Variants in MYRFL observed in about 807,000 individuals in gnomAD.
The protein encoded by MYRFL is myelin regulatory factor like.
A neutral mutation model predicts 109.4 loss-of-function variants in MYRFL; 88 were observed. The ratio of observed to expected loss-of-function variants is 0.80; its 90% CI spans 0.68 to 0.96. The LOEUF (loss-of-function observed/expected upper bound fraction) is 0.96, where lower values mean the gene tolerates loss of function less well. MYRFL is among the 40% of genes least tolerant of loss of function. The probability of loss-of-function intolerance (pLI) is 0.00; values close to 1 mark genes in which losing one functional copy is unlikely to be tolerated. For synonymous variants in MYRFL, 324 were observed against 320.9 expected (o/e 1.01, Z -0.10); for missense variants, 957 against 954.9 (o/e 1.00, Z -0.03).
chr12:69,883,706 T>TAAAAAAAAAAAAAA (rs59904690), intron 5 of MYRFL, among the ~76,000 whole-genome samples: 1 of 125,466 alleles, frequency 8.0e-6, no homozygotes. Flanking sequence ...CTACAAAAAG[T>TAAAAAAAAAAAAAA]AAAAAAAAAA....
chr12:69,882,685 A>G (rs539734566), intron 5 of MYRFL, among the ~76,000 whole-genome samples: 1 of 152,174 alleles, frequency 6.6e-6, no homozygotes, highest in Non-Finnish European at 1.5e-5. Context: ...TTAGAGAGGA[A>G]GTGCTGGTAG....
intron 1 of MYRFL, among the ~76,000 whole-genome samples, chr12:69,851,825 T>G (rs531646432): frequency 3.9e-5 from 6 of 152,232 alleles, no homozygotes; most frequent in African/African-American, 1.4e-4. Context: ...TCTTGGCTCA[T>G]CTTTGGGGGA....
intron 13 of MYRFL, 122 bp from the exon 14 acceptor site, chr12:69,926,449 G>A (rs1257572476): frequency 9.5e-6 from 7 of 733,684 alleles, no homozygotes; most frequent in Non-Finnish European, 1.3e-5. Flanking sequence ...TGAACTTGAA[G>A]ATGTGTGTGT....
Position 69,957,903 on chromosome 12 carries a change from G to A in MYRFL, c.2532G>A (p.Gly844=). 6.5e-7 allele frequency: 1 copy of A among 1,535,046 alleles called. No homozygotes were observed. Among genetic ancestry groups the A allele is most frequent in the Non-Finnish European group, 8.7e-7 (1 of 1,146,102 alleles). The change falls in exon 23 of 25, where the codon GGG becomes GGA. Residue 844 remains glycine (G), a synonymous_variant. Transcript: ENST00000552032. ...TCCATAGTAAAAGGGGAACCAAAGG[G>A]CTGGAAAGCCACAGAGAAATCTCCC... ...ICFHSKRGTK[G]LESHREISQE...
chr12:69,846,763 G>T (rs1883577507), intron 1 of MYRFL, among the ~76,000 whole-genome samples: 1 of 151,926 alleles, frequency 6.6e-6, no homozygotes, highest in Middle Eastern at 3.4e-3. Flanking sequence ...GATCCCTGAG[G>T]AATCGCCACA....
chr12:69,906,718 CAGA>C (rs1327021332), intron 11 of MYRFL, among the ~76,000 whole-genome samples: 1 of 152,178 alleles, frequency 6.6e-6, no homozygotes, highest in Non-Finnish European at 1.5e-5. Context: ...GAGCCAAACG[CAGA>C]AGTTCCTTTG....
chr12:69,826,937 C>T (rs527358351), intron 1 of MYRFL, among the ~76,000 whole-genome samples: 2 of 152,160 alleles, frequency 1.3e-5, no homozygotes, highest in East Asian at 3.9e-4. Flanking sequence ...GATGCCTTCT[C>T]TTACATTTTA....
chr12:69,958,224 G>T, intron 23 of MYRFL, 25 bp from the exon 24 acceptor site: 1 of 1,513,922 alleles, frequency 6.6e-7, no homozygotes, highest in East Asian at 2.5e-5. Context: ...TGTACGAAAT[G>T]GATCCTCTTT....
chr12:69,889,953 G>A (rs1055194800), intron 6 of MYRFL, among the ~76,000 whole-genome samples: 1 of 152,084 alleles, frequency 6.6e-6, no homozygotes, highest in African/African-American at 2.4e-5. Flanking sequence ...ATTAGAAATA[G>A]CAATGATAAA....
intron 1 of MYRFL, among the ~76,000 whole-genome samples, chr12:69,850,969 T>G (rs1273185302): frequency 1.3e-5 from 2 of 152,214 alleles, no homozygotes; most frequent in Non-Finnish European, 2.9e-5. Context: ...ATTCACCGCA[T>G]ACAAGATTTT....
chr12:69,865,624 T>G (rs1342705527), intron 2 of MYRFL, among the ~76,000 whole-genome samples: 1 of 152,142 alleles, frequency 6.6e-6, no homozygotes, highest in Non-Finnish European at 1.5e-5. Context: ...TGTCCTTCAT[T>G]TCAAAGTACT....
intron 2 of MYRFL, among the ~76,000 whole-genome samples, chr12:69,867,430 T>A (rs927671189): frequency 4.6e-5 from 7 of 152,138 alleles, no homozygotes; most frequent in African/African-American, 1.7e-4. Flanking sequence ...TTTGAGTCAG[T>A]GTGCTTAGTA....
chr12:69,911,477 A>G (rs1030978571), intron 13 of MYRFL, among the ~76,000 whole-genome samples: 5 of 152,324 alleles, frequency 3.3e-5, no homozygotes, highest in Non-Finnish European at 7.3e-5. Context: ...ATTTTTATGA[A>G]GATATTCATG....
intron 10 of MYRFL, among the ~76,000 whole-genome samples, chr12:69,898,476 C>T (rs1246285974): frequency 2.6e-5 from 4 of 152,192 alleles, no homozygotes; most frequent in Non-Finnish European, 4.4e-5. Flanking sequence ...GGGCCCTCTC[C>T]TTGCGTCATA....
intron 13 of MYRFL, among the ~76,000 whole-genome samples, chr12:69,915,122 G>T (rs547646293): frequency 6.6e-6 from 1 of 152,290 alleles, no homozygotes; most frequent in Admixed American, 6.5e-5. Context: ...AGGTAAAGTG[G>T]CTCCTCTTGT....
At chr12:69,856,239 A>G (rs144572869) in intron 2 of MYRFL, among the ~76,000 whole-genome samples, 7 of 152,152 alleles carry the variant, frequency 4.6e-5, no homozygotes, top group African/African-American at 1.7e-4. Flanking sequence ...TCAATATTTC[A>G]TTCCTTCTTT....
chr12:69,872,438 C>G (rs772176391), intron 2 of MYRFL, among the ~76,000 whole-genome samples: 1 of 152,126 alleles, frequency 6.6e-6, no homozygotes, highest in African/African-American at 2.4e-5. Context: ...ATCCTCCTGC[C>G]TCACCCTCCT....
chr12:69,891,771 T>C (rs1886929142), intron 7 of MYRFL, among the ~76,000 whole-genome samples: 1 of 151,612 alleles, frequency 6.6e-6, no homozygotes, highest in Non-Finnish European at 1.5e-5. Flanking sequence ...TGATTATGCC[T>C]CATTGCAGCC....
chr12:69,932,771 AT>A (rs151010084), intron 16 of MYRFL, among the ~76,000 whole-genome samples, 173 bp downstream of exon 16: 6,600 of 152,168 alleles, frequency 0.043, 161 homozygotes, highest in East Asian at 0.15. Context: ...GAAAACTCTT[AT>A]TTTGAAGAAA....
Sources: allele counts gnomAD v4.1 joint callset (sites outside exome capture counted in the v4.1 genomes callset), GRCh38; gene constraint gnomAD v4.1.1; transcripts MANE v1.5; gene names NCBI Gene and HGNC (gene_info 2026-07-23, HGNC 2026-07-21).